Variants in ZNF804B observed in about 807,000 individuals in gnomAD.
The protein encoded by ZNF804B is zinc finger 804B.
In ZNF804B, 80 loss-of-function variants were observed where a neutral mutation model predicts 101.4. The ratio of observed to expected loss-of-function variants is 0.79; its 90% CI spans 0.66 to 0.95. ZNF804B has a LOEUF of 0.95. Among genes scored for constraint, ZNF804B ranks in the 40% least tolerant of loss-of-function variants. The probability of loss-of-function intolerance (pLI) is 0.00; values close to 1 mark genes in which losing one functional copy is unlikely to be tolerated. For missense variants in ZNF804B, 1,673 were observed against 1,561.9 expected (o/e 1.07, Z -1.20); for synonymous variants, 622 against 558.8 (o/e 1.11, Z -1.59).
chr7:89,307,970 G>T (rs980013211), intron 2 of ZNF804B, among the ~76,000 whole-genome samples: 1 of 151,964 alleles, frequency 6.6e-6, no homozygotes. Context: ...TAGTAGGGAG[G>T]CATATGACAA....
Position 89,336,956 on chromosome 7 carries a change from A to G in ZNF804B, c.3974A>G (p.His1325Arg). Residue 1325 changes from histidine (H) to arginine (R), a missense_variant, in exon 4 of 4, where the codon CAT (histidine) becomes CGT (arginine). Coordinates refer to ENST00000333190, the MANE Select transcript of ZNF804B (RefSeq NM_181646.5). ...GTATTCCAAGGTCAAGATTTTTGCC[A>G]TCATTCTTGCTCTAGCCAGATGCAA... ...QPVFQGQDFC[H>R]HSCSSQMQQL... 1.2e-6 allele frequency: 2 copies of G among 1,614,108 alleles called. No homozygotes were observed. The highest frequency in any genetic ancestry group is 1.7e-6 in the Non-Finnish European group (2 of 1,179,996).
At chr7:89,014,050 C>T (rs1278686864) in intron 1 of ZNF804B, among the ~76,000 whole-genome samples, 1 of 151,970 alleles carries the variant, frequency 6.6e-6, no homozygotes, top group East Asian at 1.9e-4. Flanking sequence ...TTTTTATTGC[C>T]TTCCTTTGGA....
intron 1 of ZNF804B, among the ~76,000 whole-genome samples, chr7:89,143,820 G>T: frequency 6.6e-6 from 1 of 151,970 alleles, no homozygotes; most frequent in East Asian, 1.9e-4. Context: ...TGTTTAAAAT[G>T]TATGCATAGT....
intron 1 of ZNF804B, among the ~76,000 whole-genome samples, chr7:88,901,323 T>G (rs1031577178): frequency 6.6e-6 from 1 of 151,898 alleles, no homozygotes; most frequent in Non-Finnish European, 1.5e-5. Context: ...ATTCCATATA[T>G]TAAAAATTCA....
chr7:89,335,937 T>C lies in ZNF804B; in HGVS notation c.2955T>C (p.Tyr985=), dbSNP rs1791077135. 2 of 1,614,060 alleles carry C rather than the reference T, an allele frequency of 1.2e-6. No homozygotes were observed. The highest frequency in any genetic ancestry group is 4.5e-5 in the East Asian group (2 of 44,874). Residue 985 remains tyrosine (Y), a synonymous_variant, in exon 4 of 4, where the codon TAT becomes TAC. Transcript: ENST00000333190. The part of the protein sequence containing the change: ...QALPLSEKIQ[Y]ASESRNDQDS... ...TGCCTTTGTCTGAAAAAATACAGTA[T>C]GCAAGTGAGAGCAGAAATGATCAAG...
chr7:89,026,211 A>G (rs553865851), intron 1 of ZNF804B, among the ~76,000 whole-genome samples: 65 of 152,292 alleles, frequency 4.3e-4, no homozygotes, highest in African/African-American at 1.5e-3. Flanking sequence ...AATTGGCAAT[A>G]GTAATATACC....
chr7:89,092,741 C>G (rs866133296), intron 1 of ZNF804B, among the ~76,000 whole-genome samples: 1 of 152,112 alleles, frequency 6.6e-6, no homozygotes, highest in Non-Finnish European at 1.5e-5. Flanking sequence ...GCAATTGTCT[C>G]CTCAGCTCCT....
chr7:89,152,211 G>C (rs893358750), intron 1 of ZNF804B, among the ~76,000 whole-genome samples: 3 of 151,104 alleles, frequency 2.0e-5, no homozygotes, highest in African/African-American at 7.3e-5. Context: ...ATATTTCATA[G>C]CAAATAGTCA....
chr7:89,164,892 TTTTA>T (rs1315863095), intron 1 of ZNF804B, among the ~76,000 whole-genome samples: 2 of 152,086 alleles, frequency 1.3e-5, no homozygotes, highest in African/African-American at 2.4e-5. Context: ...ATTTGGTGTT[TTTTA>T]TTTGTCTTGC....
chr7:88,781,604 A>G (rs1790227065), intron 1 of ZNF804B, among the ~76,000 whole-genome samples: 2 of 152,194 alleles, frequency 1.3e-5, no homozygotes, highest in South Asian at 4.1e-4. Flanking sequence ...ATAAACATTT[A>G]TGGAGTTGCT....
intron 1 of ZNF804B, among the ~76,000 whole-genome samples, chr7:89,017,337 C>G (rs1788584496): frequency 6.6e-6 from 1 of 152,146 alleles, no homozygotes; most frequent in Admixed American, 6.5e-5. Context: ...TTTCCTTCTC[C>G]TGCCTTACTG....
chr7:89,320,920 G>T (rs1204351333), intron 2 of ZNF804B, among the ~76,000 whole-genome samples: 1 of 152,028 alleles, frequency 6.6e-6, no homozygotes, highest in South Asian at 2.1e-4. Flanking sequence ...TTCCTAAAAA[G>T]TAGGTAAGAT....
chr7:88,926,878 A>T (rs781414408), intron 1 of ZNF804B, among the ~76,000 whole-genome samples: 3 of 137,584 alleles, frequency 2.2e-5, no homozygotes, highest in African/African-American at 5.6e-5. Flanking sequence ...TTTTTGCTAA[A>T]TTTTTTTTTC....
At chr7:89,143,422 C>T (rs1790745346) in intron 1 of ZNF804B, among the ~76,000 whole-genome samples, 2 of 151,866 alleles carry the variant, frequency 1.3e-5, no homozygotes, top group African/African-American at 4.8e-5. Flanking sequence ...GTTCTCTTTT[C>T]TTACCCGCTC....
At position 88,789,392 on chromosome 7, in the gene ZNF804B, G is replaced by A. The variant is rs145493206; in HGVS notation, c.108+29308G>A. ...TTAATAATCACAAGACCCTAAATGG[G>A]AGAATACTGTTATCTTGCTTTTATT... is the stretch of plus-strand genomic sequence containing the variant. On this transcript the variant is annotated intron_variant, in intron 1 of 3. Transcript: ENST00000333190. 1.3e-4 allele frequency among the ~76,000 whole-genome samples: 20 copies of A among 152,150 alleles called. No homozygotes were observed. In the East Asian group the frequency reaches 3.5e-3, roughly 27 times the overall value.
chr7:88,970,262 CAT>C (rs370469837), intron 1 of ZNF804B, among the ~76,000 whole-genome samples: 11 of 151,444 alleles, frequency 7.3e-5, no homozygotes, highest in African/African-American at 2.2e-4. Flanking sequence ...CATAGGTAAA[CAT>C]GTGCCATGGT....
At chr7:89,288,084 G>A (rs1790234816) in intron 2 of ZNF804B, among the ~76,000 whole-genome samples, 1 of 151,952 alleles carries the variant, frequency 6.6e-6, no homozygotes, top group African/African-American at 2.4e-5. Context: ...TAACAGATAA[G>A]GGCTTCAAAA....
At chr7:88,822,369 A>G (rs1055561505) in intron 1 of ZNF804B, among the ~76,000 whole-genome samples, 1 of 152,152 alleles carries the variant, frequency 6.6e-6, no homozygotes, top group Non-Finnish European at 1.5e-5. Flanking sequence ...CATTTTCTCT[A>G]CTTAAAGTTT....
intron 1 of ZNF804B, among the ~76,000 whole-genome samples, chr7:89,141,651 A>G (rs1331440377): frequency 6.6e-6 from 1 of 152,020 alleles, no homozygotes; most frequent in Non-Finnish European, 1.5e-5. Context: ...GTCTTTTGCA[A>G]TAGCTTTACC....
Sources: gnomAD v4.1 joint callset for allele counts (sites outside exome capture counted in the v4.1 genomes callset) on GRCh38, gnomAD v4.1.1 for gene constraint, MANE v1.5 for transcripts, NCBI Gene and HGNC (gene_info 2026-07-23, HGNC 2026-07-21) for gene names.